The following MEMO1 variants were observed in gnomAD, a reference collection of about 807,000 sequenced individuals.
MEMO1 encodes mediator of cell motility 1, also known as protein MEMO1.
MEMO1 carries 6 observed loss-of-function variants against 45.2 expected under a neutral mutation model. That is an observed-to-expected ratio of 0.13 (90% CI 0.07 to 0.26). The LOEUF (loss-of-function observed/expected upper bound fraction) is 0.26, where lower values mean the gene tolerates loss of function less well. Ranked by LOEUF, MEMO1 falls within the 10% of genes least tolerant of loss-of-function variation. The probability of loss-of-function intolerance (pLI) is 1.00; values close to 1 mark genes in which losing one functional copy is unlikely to be tolerated. For synonymous variants in MEMO1, 78 were observed against 124.3 expected, an observed-to-expected ratio of 0.63 and a Z score of 2.48; for missense variants, 184 against 370.5, an observed-to-expected ratio of 0.50 and a Z score of 4.13.
At chr2:31,956,730 G>A (rs774422917) in intron 2 of MEMO1, among the ~76,000 whole-genome samples, 10 of 152,160 alleles carry the variant, frequency 6.6e-5, no homozygotes, top group Non-Finnish European at 1.5e-4. Flanking sequence ...TAATTGAGGG[G>A]GAAGAACACG....
chr2:32,002,144 C>CAAAAAAAAA (rs1156408005), intron 2 of MEMO1, among the ~76,000 whole-genome samples: 3 of 55,696 alleles, frequency 5.4e-5, no homozygotes, highest in Non-Finnish European at 9.6e-5. Flanking sequence ...GACTCTGTCT[C>CAAAAAAAAA]AAAAAAAAAA....
At chr2:31,886,010 A>G (rs1284514391) in intron 7 of MEMO1, among the ~76,000 whole-genome samples, 2 of 152,204 alleles carry the variant, frequency 1.3e-5, no homozygotes, top group African/African-American at 4.8e-5. Context: ...TTCTGAAGGA[A>G]AAAAAGAGGA....
chr2:31,878,054 C>T (rs929090230), intron 8 of MEMO1, among the ~76,000 whole-genome samples: 1 of 152,072 alleles, frequency 6.6e-6, no homozygotes, highest in African/African-American at 2.4e-5. Context: ...GTACGGTGGA[C>T]TGGGAATGCT....
chr2:32,010,916 C>G (rs1470915561), intron 1 of MEMO1, 26 bp downstream of exon 1: 1 of 152,368 alleles, frequency 6.6e-6, no homozygotes, highest in Non-Finnish European at 1.5e-5. Flanking sequence ...GAAGGCAGAC[C>G]CGGAGAAGAG....
At chr2:31,986,212 G>C (rs183775765) in intron 2 of MEMO1, among the ~76,000 whole-genome samples, 69 of 152,268 alleles carry the variant, frequency 4.5e-4, no homozygotes, top group Admixed American at 1.9e-3. Flanking sequence ...GGCTAACACG[G>C]TGAAACCCCG....
At chr2:31,968,091 T>A (rs933294752) in intron 2 of MEMO1, among the ~76,000 whole-genome samples, 1 of 152,158 alleles carries the variant, frequency 6.6e-6, no homozygotes, top group African/African-American at 2.4e-5. Context: ...TCTCAATCTG[T>A]AGGTCAAGAG....
intron 2 of MEMO1, among the ~76,000 whole-genome samples, chr2:31,951,154 T>C (rs771230507): frequency 2.0e-5 from 3 of 152,204 alleles, no homozygotes; most frequent in African/African-American, 4.8e-5. Flanking sequence ...ATTTAACTAG[T>C]ATGTTGACTG....
At chr2:32,000,711 T>C (rs1047469841) in intron 2 of MEMO1, among the ~76,000 whole-genome samples, 1 of 152,116 alleles carries the variant, frequency 6.6e-6, no homozygotes, top group Non-Finnish European at 1.5e-5. Flanking sequence ...CCTGGACCCC[T>C]GAGCCTTTAA....
At chr2:31,952,550 T>A (rs1666958287) in intron 2 of MEMO1, among the ~76,000 whole-genome samples, 1 of 152,216 alleles carries the variant, frequency 6.6e-6, no homozygotes, top group Admixed American at 6.5e-5. Context: ...TAGCACTGAT[T>A]CCTGTAACAG....
At chr2:31,940,497 G>C (rs1314844092) in intron 3 of MEMO1, among the ~76,000 whole-genome samples, 1 of 152,052 alleles carries the variant, frequency 6.6e-6, no homozygotes, top group Non-Finnish European at 1.5e-5. Context: ...AGTTTCACAG[G>C]ACAAAACATA....
chr2:31,870,052 C>A, intron 8 of MEMO1, 100 bp from the exon 9 acceptor site: 1 of 936,988 alleles, frequency 1.1e-6, no homozygotes, highest in Non-Finnish European at 1.4e-6. Context: ...AAACATAATT[C>A]TTCAATTAGG....
intron 8 of MEMO1, among the ~76,000 whole-genome samples, 170 bp from the exon 9 acceptor site, chr2:31,870,122 C>G (rs1157848622): frequency 1.3e-5 from 2 of 152,088 alleles, no homozygotes; most frequent in African/African-American, 4.8e-5. Context: ...TTCATCAAAG[C>G]TATTACCACC....
intron 5 of MEMO1, among the ~76,000 whole-genome samples, chr2:31,919,070 A>C (rs1415776741): frequency 6.6e-6 from 1 of 151,906 alleles, no homozygotes; most frequent in East Asian, 1.9e-4. Context: ...TTATGCCAAA[A>C]ATAAGAAAGA....
intron 6 of MEMO1, among the ~76,000 whole-genome samples, chr2:31,908,160 T>A (rs952661343): frequency 1.3e-5 from 2 of 152,138 alleles, no homozygotes; most frequent in African/African-American, 4.8e-5. Flanking sequence ...TGAAAGAAGC[T>A]CAGATTTGTA....
At chr2:31,923,545 A>G (rs763449670) in intron 4 of MEMO1, 4 of 1,296,828 alleles carry the variant, frequency 3.1e-6, no homozygotes, top group Non-Finnish European at 4.0e-6. Flanking sequence ...ATAACATGAC[A>G]CTTTGTTTTA....
At chr2:31,875,876 G>A (rs1335329845) in intron 8 of MEMO1, among the ~76,000 whole-genome samples, 4 of 151,840 alleles carry the variant, frequency 2.6e-5, no homozygotes, top group African/African-American at 7.3e-5. Flanking sequence ...TAGGAGAAAG[G>A]GGGTTTCGTC....
At chr2:31,930,155 T>C (rs930518797) in intron 4 of MEMO1, among the ~76,000 whole-genome samples, 6 of 152,120 alleles carry the variant, frequency 3.9e-5, no homozygotes, top group African/African-American at 7.2e-5. Flanking sequence ...CCTAGCTACC[T>C]GGGAGGATGA....
chr2:31,981,698 T>C (rs1670658455), intron 2 of MEMO1, among the ~76,000 whole-genome samples: 1 of 152,204 alleles, frequency 6.6e-6, no homozygotes, highest in African/African-American at 2.4e-5. Flanking sequence ...TTAACTTCAC[T>C]CAATTCCAAT....
At chr2:31,955,485 A>T (rs1354544392) in intron 2 of MEMO1, among the ~76,000 whole-genome samples, 2 of 152,248 alleles carry the variant, frequency 1.3e-5, no homozygotes, top group African/African-American at 4.8e-5. Flanking sequence ...GGAAGAAAAT[A>T]AAACTCAGAC....
Sources: gnomAD v4.1 joint callset for allele counts (sites outside exome capture counted in the v4.1 genomes callset) on GRCh38, gnomAD v4.1.1 for gene constraint, MANE v1.5 for transcripts, NCBI Gene and HGNC (gene_info 2026-07-23, HGNC 2026-07-21) for gene names.